Variants in SLC25A6 observed in about 807,000 individuals in gnomAD.
SLC25A6 encodes the protein solute carrier family 25 member 6, also known as ADP/ATP translocase 3.
In SLC25A6, 9 loss-of-function variants were observed where a neutral mutation model predicts 25.7. The ratio of observed to expected loss-of-function variants is 0.35; its 90% CI spans 0.21 to 0.61. The LOEUF is 0.61. SLC25A6 is among the 20% of genes least tolerant of loss of function. The probability of loss-of-function intolerance (pLI) is 0.76; values close to 1 mark genes in which losing one functional copy is unlikely to be tolerated. For missense variants in SLC25A6, 404 were observed against 440.5 expected, an observed-to-expected ratio of 0.92 and a Z score of 0.74; for synonymous variants, 223 against 197.0, an observed-to-expected ratio of 1.13 and a Z score of -1.11.
chrX:1,391,632 G>A, intron 1 of SLC25A6, among the ~76,000 whole-genome samples: 1 of 152,252 alleles, frequency 6.6e-6, no homozygotes. Flanking sequence ...GTCCGTCCAT[G>A]GGCCCTGCTC....
chrX:1,387,441 CCGTCTCCAGCGCCTGCACGGCCA>C, intron 2 of SLC25A6, 22 bp from the exon 3 acceptor site: 1 of 1,609,806 alleles, frequency 6.2e-7, no homozygotes, highest in East Asian at 2.2e-5. Flanking sequence ...CGGCACGTCA[CCGTCTCCAGCGCCTGCACGGCCA>C]CCCGAGACCA....
chrX:1,389,259 C>T lies in SLC25A6; in HGVS notation c.580G>A (p.Val194Met), dbSNP rs747278531. 50 of 1,613,526 alleles carry T rather than the reference C, an allele frequency of 3.1e-5. No individual in the cohort carries two copies. The African/African-American group carries it at 5.1e-4, about 16-fold the overall frequency. Residue 194 changes from valine to methionine, a missense_variant, in exon 2 of 4, where the codon GTG (valine) becomes ATG (methionine). Physicochemically the swap from Val to Met is conservative, Grantham distance 21. Transcript: ENST00000381401. ...IIIYRAAYFG[V>M]YDTAKGMLPD... is the part of the protein sequence containing the mutation. Reference sequence around the variant, plus strand: ...CACGTACCCTTGGCCGTATCGTACACGCCGAAGTAGGCCGCCCGGTAGATG... The same window carrying T: ...CACGTACCCTTGGCCGTATCGTACATGCCGAAGTAGGCCGCCCGGTAGATG...
Position 1,386,699 on chromosome X carries a change from C to A in SLC25A6, c.800G>T (p.Gly267Val). ...CCACGCACCCTTGAAGAAGGCCTTG[C>A]CCCCCTCATCTCTGAAGATCTTCCT... The part of the protein sequence containing the change: ...CWRKIFRDEG[G>V]KAFFKGAWSN... Residue 267 changes from glycine to valine, a missense_variant, in exon 4 of 4, where the codon GGC becomes GTC. Coordinates refer to ENST00000381401, the MANE Select transcript of SLC25A6 (RefSeq NM_001636.4). 1.9e-6 allele frequency: 3 copies of A among 1,612,804 alleles called. No individual in the cohort carries two copies. The highest frequency in any genetic ancestry group is 2.5e-6 in the Non-Finnish European group (3 of 1,179,240).
Position 1,389,830 on chromosome X carries a change from C to T in SLC25A6, c.112-103G>A, listed in dbSNP as rs374669089. The T allele has an allele frequency of 2.7e-4, 412 of 1,537,996 alleles. 2 individuals carry two copies. The African/African-American group carries it at 5.0e-3, about 19-fold the overall frequency. On this transcript the variant is annotated intron_variant, in intron 1 of 3. Transcript: ENST00000381401. Reference sequence around the variant, plus strand: ...TTTTTGACACAAGTCACTCTTGTTGCCCAAGCTGGAGTGCAATGGGGTGAT... The same window carrying T: ...TTTTTGACACAAGTCACTCTTGTTGTCCAAGCTGGAGTGCAATGGGGTGAT...
Position 1,387,319 on chromosome X carries a change from C to T in SLC25A6, c.699G>A (p.Thr233=), listed in dbSNP as rs772053304. The T allele has an allele frequency of 5.6e-6, 9 of 1,613,192 alleles. No homozygotes were observed. In the Admixed American group the frequency reaches 6.7e-5, roughly 12 times the overall value. Residue 233 remains threonine, a synonymous_variant, in exon 3 of 4, where the codon ACG becomes ACA. Transcript: ENST00000381401. ...ACTGCATCATCATGCGCCGCCGCAC[C>T]GTGTCGAAGGGGTAGGACACCACGC... is the stretch of plus-strand genomic sequence containing the variant. ...VAGVVSYPFD[T]VRRRMMMQSG...
At chrX:1,389,034 G>C (rs1208208512) in intron 2 of SLC25A6, among the ~76,000 whole-genome samples, 7 of 145,038 alleles carry the variant, frequency 4.8e-5, no homozygotes, top group Non-Finnish European at 6.0e-5. Flanking sequence ...CATCCCATAA[G>C]AAGAGAGGAT....
chrX:1,387,426 G>A lies in SLC25A6; in HGVS notation c.599-7C>T, dbSNP rs751474060. 6.2e-6 allele frequency: 10 copies of A among 1,611,180 alleles called. No homozygotes were observed. Among genetic ancestry groups the A allele is most frequent in the East Asian group, 2.2e-5 (1 of 44,884 alleles). On this transcript the variant is annotated splice_polypyrimidine_tract_variant and splice_region_variant and intron_variant, in intron 2 of 3. Coordinates refer to ENST00000381401, the MANE Select transcript of SLC25A6 (RefSeq NM_001636.4). ...TTGGGGTCGGGGAGCATGCCTGCGC[G>A]GGAACGGCACGTCACCGTCTCCAGC...
intron 1 of SLC25A6, 35 bp downstream of exon 1, chrX:1,391,864 C>T (rs1381808044): frequency 1.3e-6 from 2 of 1,520,004 alleles, no homozygotes; most frequent in East Asian, 2.4e-5. Flanking sequence ...GTTCCCGTCC[C>T]CTAGTCCCCG....
chrX:1,391,784 G>A (rs2089416734), intron 1 of SLC25A6, 115 bp downstream of exon 1: 4 of 730,150 alleles, frequency 5.5e-6, no homozygotes, highest in Middle Eastern at 3.9e-4. Context: ...CAAAGCGATC[G>A]CGGCCTTCCA....
rs755768991 is a variant in SLC25A6 at position 1,389,677 on chromosome X, G to C, written c.162C>G (p.Ile54Met). The C allele has an allele frequency of 6.2e-7, 1 of 1,613,876 alleles. No individual in the cohort carries two copies. The highest frequency in any genetic ancestry group is 8.5e-7 in the Non-Finnish European group (1 of 1,179,928). ...TGGGGATGCGGACAATGCAGTCCAC[G>C]ATGCCCTTGTACTGCTTGTCGGCGG... ...QIAADKQYKG[I>M]VDCIVRIPKE... Residue 54 changes from isoleucine (I) to methionine (M), a missense_variant, in exon 2 of 4, where the codon ATC becomes ATG. Ile to Met is a conservative substitution (Grantham distance 10, BLOSUM62 1). Coordinates refer to ENST00000381401, the MANE Select transcript of SLC25A6 (RefSeq NM_001636.4).
At chrX:1,391,719 A>G (rs1264114047) in intron 1 of SLC25A6, among the ~76,000 whole-genome samples, 180 bp downstream of exon 1, 1 of 152,136 alleles carries the variant, frequency 6.6e-6, no homozygotes, top group Non-Finnish European at 1.5e-5. Context: ...GGACGTCGCC[A>G]CGCCCTGCAG....
chrX:1,388,267 A>T (rs1363549055), intron 2 of SLC25A6, among the ~76,000 whole-genome samples: 3 of 151,370 alleles, frequency 2.0e-5, no homozygotes, highest in African/African-American at 7.3e-5. Flanking sequence ...ATTATGGAAG[A>T]ATCAATGTCT....
rs757962740 is a variant in SLC25A6 at position 1,389,476 on chromosome X, A to G, written c.363T>C (p.Gly121=). 3.1e-6 allele frequency: 5 copies of G among 1,614,010 alleles called. No individual in the cohort carries two copies. In the Admixed American group the frequency reaches 5.0e-5, roughly 16 times the overall value. The change falls in exon 2 of 4, where the codon GGT becomes GGC. Residue 121 remains glycine, a synonymous_variant. Transcript: ENST00000381401. ...AGCAGAGGGAGGTCGCGCCGGCCGC[A>G]CCGCCGGAGGCCAGGTTGCCCGCAA... ...RYFAGNLASG[G]AAGATSLCFV...
At chrX:1,390,890 C>T (rs2149241041) in intron 1 of SLC25A6, among the ~76,000 whole-genome samples, 1 of 152,122 alleles carries the variant, frequency 6.6e-6, no homozygotes, top group Admixed American at 6.5e-5. Context: ...GCGATCCTCC[C>T]TGGGCCTCTC....
intron 3 of SLC25A6, 128 bp downstream of exon 3, chrX:1,387,151 C>A: frequency 3.4e-6 from 4 of 1,182,564 alleles, no homozygotes; most frequent in Non-Finnish European, 4.8e-6. Context: ...AGGTTACTTT[C>A]GGACACACTT....
rs771867838 is a variant in SLC25A6, at chrX:1,389,356, C to G, written c.483G>C (p.Leu161=). 1 of 1,613,824 alleles carries G rather than the reference C, an allele frequency of 6.2e-7. No individual in the cohort carries two copies. The highest frequency in any genetic ancestry group is 8.5e-7 in the Non-Finnish European group (1 of 1,179,876). ...TGCCGTCGGACTTGGTGATCTTCAC[C>G]AGGCAGTCTCCCAGGCCTCGGAACT... is the stretch of plus-strand genomic sequence containing the variant. The part of the protein sequence containing the change: ...EREFRGLGDC[L]VKITKSDGIR... Residue 161 remains leucine, a synonymous_variant, in exon 2 of 4, where the codon CTG becomes CTC. Coordinates refer to ENST00000381401, the MANE Select transcript of SLC25A6 (RefSeq NM_001636.4).
Position 1,387,432 on chromosome X carries a change from G to C in SLC25A6, c.599-13C>G, listed in dbSNP as rs771203397. ...TCGGGGAGCATGCCTGCGCGGGAAC[G>C]GCACGTCACCGTCTCCAGCGCCTGC... On this transcript the variant is annotated splice_polypyrimidine_tract_variant and intron_variant, in intron 2 of 3. Coordinates refer to ENST00000381401, the MANE Select transcript of SLC25A6 (RefSeq NM_001636.4). The C allele has an allele frequency of 1.9e-6, 3 of 1,610,656 alleles. No homozygotes were observed. Among genetic ancestry groups the C allele is most frequent in the Non-Finnish European group, 2.5e-6 (3 of 1,179,226 alleles).
rs2089324687 is a variant in SLC25A6 at position 1,386,428 on chromosome X, T to C, written c.*174A>G. ...AGACACGGAATCGGCTGCCGATGGT[T>C]GGATCGCAATGCGCCCCTTTTCTAG... On this transcript the variant is annotated 3_prime_UTR_variant, in exon 4 of 4. Coordinates refer to ENST00000381401, the MANE Select transcript of SLC25A6 (RefSeq NM_001636.4). 1 of 824,976 alleles carries C rather than the reference T, an allele frequency of 1.2e-6. No homozygotes were observed. Among genetic ancestry groups the C allele is most frequent in the East Asian group, 3.0e-5 (1 of 32,890 alleles). 51.1% of individuals were successfully genotyped at this position (824,976 alleles called of 1,614,324 possible). A position where few individuals can be genotyped will look rare whatever the true frequency, so the allele number is the denominator to read the frequency against.
At chrX:1,391,486 G>C (rs1466455768) in intron 1 of SLC25A6, among the ~76,000 whole-genome samples, 1 of 152,222 alleles carries the variant, frequency 6.6e-6, no homozygotes, top group East Asian at 1.9e-4. Context: ...CAGGCTCGTT[G>C]CCCTATTGGC....
Sources: gnomAD v4.1 joint callset for allele counts (sites outside exome capture counted in the v4.1 genomes callset) on GRCh38, gnomAD v4.1.1 for gene constraint, MANE v1.5 for transcripts, NCBI Gene and HGNC (gene_info 2026-07-23, HGNC 2026-07-21) for gene names.